EPC1: variants seen among roughly 807,000 people sequenced by gnomAD.
EPC1 encodes the protein enhancer of polycomb homolog 1.
In EPC1, 12 loss-of-function variants were observed where a neutral mutation model predicts 98.4. That is an observed-to-expected ratio of 0.12 (90% CI 0.08 to 0.20). The LOEUF (loss-of-function observed/expected upper bound fraction) is 0.20, where lower values mean the gene tolerates loss of function less well. Ranked by LOEUF, EPC1 falls within the 10% of genes least tolerant of loss-of-function variation. The pLI is 1.00. For missense variants in EPC1, 729 were observed against 990.5 expected (o/e 0.74, Z 3.54); for synonymous variants, 357 against 363.9 (o/e 0.98, Z 0.21).
At chr10:32,323,931 GTTTAT>G (rs917695809) in intron 1 of EPC1, among the ~76,000 whole-genome samples, 8 of 152,022 alleles carry the variant, frequency 5.3e-5, no homozygotes, top group African/African-American at 1.2e-4. Flanking sequence ...ATTAGAAATA[GTTTAT>G]TTTATTTTTA....
chr10:32,305,268 TA>T (rs1456186403), intron 2 of EPC1, among the ~76,000 whole-genome samples: 1 of 152,240 alleles, frequency 6.6e-6, no homozygotes, highest in African/African-American at 2.4e-5. Flanking sequence ...TTTTTATCAG[TA>T]AAGTTTTATT....
chr10:32,358,658 G>C (rs555038266), intron 1 of EPC1, among the ~76,000 whole-genome samples: 6 of 150,972 alleles, frequency 4.0e-5, no homozygotes, highest in Admixed American at 1.3e-4. Context: ...GCGGGGGCGG[G>C]GGGGGAAGAA....
intron 2 of EPC1, among the ~76,000 whole-genome samples, chr10:32,296,393 C>T (rs961318576): frequency 1.3e-5 from 2 of 152,136 alleles, no homozygotes; most frequent in Admixed American, 6.5e-5. Context: ...CACCTTGCTT[C>T]GCATCAAAAT....
chr10:32,285,225 A>T (rs976950511), intron 9 of EPC1, 175 bp from the exon 10 acceptor site: 4 of 488,284 alleles, frequency 8.2e-6, no homozygotes, highest in African/African-American at 7.9e-5. Context: ...CTCAATTTCT[A>T]ATAAAAGTTC....
upstream of EPC1, chr10:32,347,520 C>CA (rs1838933379): frequency 6.6e-6 from 1 of 152,238 alleles, no homozygotes; most frequent in Admixed American, 6.5e-5. Context: ...TTTGGAAAGG[C>CA]AGCTGGGGAG....
chr10:32,373,313 G>A (rs1839802930), intron 1 of EPC1, among the ~76,000 whole-genome samples: 1 of 152,152 alleles, frequency 6.6e-6, no homozygotes, highest in Non-Finnish European at 1.5e-5. Context: ...AACATAGTAA[G>A]CTCTAATCAA....
chr10:32,344,218 CAAT>C (rs1838589305), intron 1 of EPC1, among the ~76,000 whole-genome samples: 1 of 152,176 alleles, frequency 6.6e-6, no homozygotes, highest in African/African-American at 2.4e-5. Flanking sequence ...ACACTACTTT[CAAT>C]ATTATGATTT....
intron 1 of EPC1, among the ~76,000 whole-genome samples, chr10:32,346,218 G>C (rs1412397770): frequency 6.6e-6 from 1 of 152,166 alleles, no homozygotes; most frequent in African/African-American, 2.4e-5. Context: ...GCTCCACGTG[G>C]GGGCTGCACT....
At chr10:32,340,757 G>C (rs780979297) in intron 1 of EPC1, among the ~76,000 whole-genome samples, 2 of 152,138 alleles carry the variant, frequency 1.3e-5, no homozygotes, top group Non-Finnish European at 2.9e-5. Context: ...TAGGGAGGTT[G>C]AGGCTGCAGC....
At chr10:32,356,077 G>A (rs888470925) in intron 1 of EPC1, among the ~76,000 whole-genome samples, 4 of 152,168 alleles carry the variant, frequency 2.6e-5, no homozygotes, top group Non-Finnish European at 5.9e-5. Context: ...GAACATTTAA[G>A]TACAATTTAT....
At chr10:32,271,019 G>C (rs1835816453) in intron 13 of EPC1, among the ~76,000 whole-genome samples, 2 of 149,106 alleles carry the variant, frequency 1.3e-5, no homozygotes, top group Admixed American at 6.7e-5. Context: ...TTTTGAGACA[G>C]AGTTTAGCTC....
chr10:32,301,038 A>G (rs1592569284), intron 2 of EPC1, among the ~76,000 whole-genome samples: 4 of 143,008 alleles, frequency 2.8e-5, no homozygotes. Flanking sequence ...AAGCACATTT[A>G]TATCTATCTA....
chr10:32,287,106 G>A lies in EPC1; in HGVS notation c.1144C>T (p.Leu382Phe). 4 of 1,614,146 alleles carry A rather than the reference G, an allele frequency of 2.5e-6. No individual in the cohort carries two copies. Among genetic ancestry groups the A allele is most frequent in the South Asian group, 1.1e-5 (1 of 91,082 alleles). ...YDFPSSDEEP[L>F]SQVLSGSSEA... Reference sequence around the variant, plus strand: ...GAGAATTGTATTTGTACCTGGGAGAGAGGTTCTTCGTCTGAGCTGGGAAAG... The same window carrying A: ...GAGAATTGTATTTGTACCTGGGAGAAAGGTTCTTCGTCTGAGCTGGGAAAG... Residue 382 changes from leucine (L) to phenylalanine (F), a missense_variant, in exon 7 of 14, where the codon CTC (leucine) becomes TTC (phenylalanine). Leu to Phe is a conservative substitution (Grantham distance 22). Around this residue, in one of 6 missense-constraint regions of EPC1, gnomAD observed 390 missense variants for 438.6 expected, o/e 0.89. Coordinates refer to ENST00000319778, the MANE Select transcript of EPC1 (RefSeq NM_001272004.3).
At chr10:32,299,477 T>C (rs1835366564) in intron 2 of EPC1, among the ~76,000 whole-genome samples, 1 of 152,140 alleles carries the variant, frequency 6.6e-6, no homozygotes, top group Non-Finnish European at 1.5e-5. Context: ...TGAGTCCCCG[T>C]GCCTGGCCAC....
At chr10:32,345,717 G>A in intron 1 of EPC1, 1 of 771,036 alleles carries the variant, frequency 1.3e-6, no homozygotes, top group Non-Finnish European at 1.6e-6. Flanking sequence ...ATGTCTATTA[G>A]TTGTCAACAT....
At chr10:32,317,814 C>T (rs1296617751) in intron 1 of EPC1, among the ~76,000 whole-genome samples, 1 of 152,146 alleles carries the variant, frequency 6.6e-6, no homozygotes, top group Non-Finnish European at 1.5e-5. Flanking sequence ...TATCCTCTTG[C>T]TTAAAGCTCA....
At chr10:32,349,587 AAAC>A (rs869083677), upstream of EPC1, among the ~76,000 whole-genome samples, 3 of 151,744 alleles carry the variant, frequency 2.0e-5, no homozygotes, top group Non-Finnish European at 4.4e-5. Flanking sequence ...ACAAACAAAC[AAAC>A]AAAAAAACCC....
At chr10:32,304,930 A>G (rs1007381020) in intron 2 of EPC1, among the ~76,000 whole-genome samples, 1 of 151,618 alleles carries the variant, frequency 6.6e-6, no homozygotes, top group Non-Finnish European at 1.5e-5. Flanking sequence ...AAAAAAAAAA[A>G]AAAAAAGAAA....
intron 1 of EPC1, among the ~76,000 whole-genome samples, chr10:32,317,628 C>G (rs973396022): frequency 6.6e-6 from 1 of 152,000 alleles, no homozygotes; most frequent in African/African-American, 2.4e-5. Context: ...GGTGACAGAG[C>G]AAGACTCTGT....
Sources: gnomAD v4.1 joint callset for allele counts (sites outside exome capture counted in the v4.1 genomes callset) on GRCh38, gnomAD v4.1.1 for gene constraint, gnomAD v4.1.1 regional missense constraint, MANE v1.5 for transcripts, NCBI Gene and HGNC (gene_info 2026-07-23, HGNC 2026-07-21) for gene names.